BORA: variants seen among roughly 807,000 people sequenced by gnomAD.
BORA encodes protein aurora borealis.
A neutral mutation model predicts 55.8 loss-of-function variants in BORA; 26 were observed. The ratio of observed to expected loss-of-function variants is 0.47; its 90% CI spans 0.34 to 0.65. BORA has a LOEUF of 0.65. Ranked by LOEUF, BORA falls within the 30% of genes least tolerant of loss-of-function variation. BORA has a pLI of 0.01. For missense variants in BORA, 568 were observed against 671.5 expected, an observed-to-expected ratio of 0.85 and a Z score of 1.70; for synonymous variants, 201 against 216.9, an observed-to-expected ratio of 0.93 and a Z score of 0.64.
At position 72,753,818 on chromosome 13, in the gene BORA, G is replaced by A. The variant is rs780982289; in HGVS notation, c.1611G>A (p.Met537Ile). 3.1e-6 allele frequency: 5 copies of A among 1,611,630 alleles called. No individual in the cohort carries two copies. In the East Asian group the frequency reaches 8.9e-5, roughly 29 times the overall value. Residue 537 changes from methionine (M) to isoleucine (I), a missense_variant, in exon 11 of 12, where the codon ATG becomes ATA. Met to Ile is a conservative substitution (Grantham distance 10). Transcript: ENST00000390667. ...AGAGTAAATCTCAAGCATTTAATAT[G>A]AAGGTACGGAGAAAATATAGTGAAA... ...EVESKSQAFN[M>I]KQDHTTQRCW...
chr13:72,751,648 G>A (rs958275058), intron 10 of BORA, among the ~76,000 whole-genome samples: 14 of 152,134 alleles, frequency 9.2e-5, no homozygotes, highest in African/African-American at 2.7e-4. Context: ...AGTACAGCTC[G>A]ATAGGAGTAA....
chr13:72,733,215 A>T (rs946491892), intron 3 of BORA, among the ~76,000 whole-genome samples: 1 of 152,210 alleles, frequency 6.6e-6, no homozygotes, highest in Non-Finnish European at 1.5e-5. Flanking sequence ...CTCTTCTTAC[A>T]TATTAGCCCT....
In BORA at chr13:72,756,193, T is replaced by A; in HGVS notation, c.*977T>A. The A allele has an allele frequency of 4.2e-5, 2 of 47,566 alleles. No homozygotes were observed. The highest frequency in any genetic ancestry group is 6.8e-5 in the Non-Finnish European group (2 of 29,590). 2.9% of individuals were successfully genotyped at this position (47,566 alleles called of 1,614,324 possible). Reference sequence around the variant, plus strand: ...CAAAAGGGAATAAAGACCTGTGTTATCAATGTGTCATTTTCTTCTTTCCTC... The same window carrying A: ...CAAAAGGGAATAAAGACCTGTGTTAACAATGTGTCATTTTCTTCTTTCCTC... On this transcript the variant is annotated 3_prime_UTR_variant, in exon 12 of 12. Transcript: ENST00000390667.
intron 3 of BORA, among the ~76,000 whole-genome samples, chr13:72,732,021 C>A (rs9285280): frequency 0.88 from 133,921 of 152,190 alleles, 61,037 homozygotes; most frequent in Non-Finnish European, 0.99. Context: ...GTGTAAGGTC[C>A]TATTATTCTT....
chr13:72,745,015 A>G lies in BORA; in HGVS notation c.546A>G (p.Gln182=). The change falls in exon 8 of 12, where the codon CAA becomes CAG. Residue 182 remains glutamine, a synonymous_variant. Transcript: ENST00000390667. ...TTAGAGCTGATGAATTTGCAGATCA[A>G]TCTCCTGGAAACCTCAGTTCTTCAT... ...DYFRADEFAD[Q]SPGNLSSSSL... 6.2e-7 allele frequency: 1 copy of G among 1,614,064 alleles called. No individual in the cohort carries two copies. The highest frequency in any genetic ancestry group is 8.5e-7 in the Non-Finnish European group (1 of 1,179,958).
At chr13:72,739,732 G>C (rs2032999150) in intron 5 of BORA, among the ~76,000 whole-genome samples, 2 of 152,080 alleles carry the variant, frequency 1.3e-5, no homozygotes, top group African/African-American at 4.8e-5. Flanking sequence ...AATCTTTTAA[G>C]ATAGAGAGCA....
chr13:72,728,183 C>T, intron 1 of BORA, 176 bp downstream of exon 1: 1 of 846,256 alleles, frequency 1.2e-6, no homozygotes, highest in Non-Finnish European at 2.0e-6. Context: ...GGCGACGCCT[C>T]CTTCGCACTC....
chr13:72,729,062 G>C lies in BORA; in HGVS notation c.122G>C (p.Ser41Thr). The C allele has an allele frequency of 1.9e-6, 3 of 1,580,140 alleles. No individual in the cohort carries two copies. Among genetic ancestry groups the C allele is most frequent in the Non-Finnish European group, 2.6e-6 (3 of 1,169,426 alleles). The change falls in exon 2 of 12, where the codon AGT (serine) becomes ACT (threonine). Residue 41 changes from serine to threonine, a missense_variant. Transcript: ENST00000390667. ...YSNLHEQTLA[S>T]PSVFKSTKLP... Reference sequence around the variant, plus strand: ...AATCTCCATGAACAAACTCTCGCCAGTCCTTCTGTTTTTAAATCAACAAAA... The same window carrying C: ...AATCTCCATGAACAAACTCTCGCCACTCCTTCTGTTTTTAAATCAACAAAA...
Position 72,746,424 on chromosome 13 carries a change from CATG to C in BORA, c.872-74_872-72del, listed in dbSNP as rs2033143600. On this transcript the variant is annotated intron_variant, in intron 9 of 11. Coordinates refer to ENST00000390667, the MANE Select transcript of BORA (RefSeq NM_024808.5). Reference sequence around the variant, plus strand: ...AAATGCAGTTTTTCCTGGCATGAAACATGATTACCATTTAGTAGTGACTTTTCC... The same window carrying C: ...AAATGCAGTTTTTCCTGGCATGAAACATTACCATTTAGTAGTGACTTTTCC... The C allele has an allele frequency of 4.1e-6, 6 of 1,467,180 alleles. No individual in the cohort carries two copies. In the East Asian group the frequency reaches 1.4e-4, roughly 33 times the overall value. 90.9% of individuals were successfully genotyped at this position (1,467,180 alleles called of 1,614,324 possible).
chr13:72,732,361 G>T (rs1429776786), intron 3 of BORA, among the ~76,000 whole-genome samples: 1 of 152,156 alleles, frequency 6.6e-6, no homozygotes, highest in Non-Finnish European at 1.5e-5. Context: ...AGCATGAAAG[G>T]ATTTTAACTT....
intron 3 of BORA, 23 bp from the exon 4 acceptor site, chr13:72,734,937 T>C: frequency 6.6e-7 from 1 of 1,508,266 alleles, no homozygotes; most frequent in Non-Finnish European, 9.1e-7. Flanking sequence ...GCATGGTTAT[T>C]TTTCTTCTTT....
At chr13:72,731,422 C>A in intron 3 of BORA, 35 bp downstream of exon 3, 1 of 1,388,146 alleles carries the variant, frequency 7.2e-7, no homozygotes, top group Non-Finnish European at 1.0e-6. Context: ...AGTCTAATAA[C>A]ACTCTCAAGT....
rs1193835960 is a variant in BORA at position 72,734,592 on chromosome 13, A to C, written c.261-368A>C. 2.0e-5 allele frequency among the ~76,000 whole-genome samples: 3 copies of C among 152,206 alleles called. No homozygotes were observed. In the East Asian group the frequency reaches 5.8e-4, roughly 29 times the overall value. On this transcript the variant is annotated intron_variant, in intron 3 of 11. Transcript: ENST00000390667. The stretch of plus-strand genomic sequence containing the variant: ...AAACTTGTTATAATTGAAGAGAAAA[A>C]CTTTGGACAATTTTTAGATGTATGT...
At position 72,755,325 on chromosome 13, in the gene BORA, T is replaced by G; in HGVS notation, c.*109T>G. On this transcript the variant is annotated 3_prime_UTR_variant, in exon 12 of 12. Coordinates refer to ENST00000390667, the MANE Select transcript of BORA (RefSeq NM_024808.5). ...GAAAAAATTACTTCAAGTAACATGC[T>G]TAGCTTTCCCTCCTTAATGTGAAAA... 1.1e-6 allele frequency: 1 copy of G among 871,160 alleles called. No homozygotes were observed. Among genetic ancestry groups the G allele is most frequent in the Non-Finnish European group, 1.8e-6 (1 of 552,922 alleles). The allele number at this position is 871,160 out of a possible 1,614,324, so 54.0% of individuals were successfully genotyped here. A position where few individuals can be genotyped will look rare whatever the true frequency, so the allele number is the denominator to read the frequency against.
At chr13:72,728,893 A>G (rs774194475) in intron 1 of BORA, 33 bp from the exon 2 acceptor site, 2 of 1,521,286 alleles carry the variant, frequency 1.3e-6, no homozygotes, top group South Asian at 1.3e-5. Flanking sequence ...GGACTTTGTA[A>G]TTTTAACATG....
intron 6 of BORA, among the ~76,000 whole-genome samples, chr13:72,743,885 G>A (rs1171858367): frequency 1.3e-5 from 2 of 151,784 alleles, no homozygotes; most frequent in Non-Finnish European, 2.9e-5. Flanking sequence ...ACAGGCACCC[G>A]CCACCACACC....
intron 1 of BORA, chr13:72,728,279 C>G: frequency 1.5e-6 from 1 of 672,872 alleles, no homozygotes; most frequent in Non-Finnish European, 2.7e-6. Flanking sequence ...TCTGTAGCCT[C>G]CTTTGATTGC....
intron 8 of BORA, among the ~76,000 whole-genome samples, chr13:72,745,614 G>T (rs1348931475): frequency 3.3e-5 from 5 of 152,146 alleles, no homozygotes; most frequent in Non-Finnish European, 5.9e-5. Context: ...TTCAGCATAG[G>T]TTATTTACTA....
chr13:72,751,849 T>G (rs1011089828), intron 10 of BORA, among the ~76,000 whole-genome samples: 1 of 152,174 alleles, frequency 6.6e-6, no homozygotes. Flanking sequence ...ATCATAAATA[T>G]GTGTAATTGT....
Sources: gnomAD v4.1 joint callset for allele counts (sites outside exome capture counted in the v4.1 genomes callset) on GRCh38, gnomAD v4.1.1 for gene constraint, MANE v1.5 for transcripts, NCBI Gene and HGNC (gene_info 2026-07-23, HGNC 2026-07-21) for gene names.